Variants in CLCN4 observed in about 807,000 individuals in gnomAD.
CLCN4 encodes Cl-/H+ antiporter 4, also known as H(+)/Cl(-) exchange transporter 4.
Under a neutral mutation model 41.7 loss-of-function variants are expected in CLCN4, and 1 was observed. The observed-to-expected ratio is 0.02, with a 90% CI of 0.01 to 0.11. CLCN4 has a LOEUF of 0.11. Ranked by LOEUF, CLCN4 falls within the 10% of genes least tolerant of loss-of-function variation. CLCN4 has a pLI of 1.00. For synonymous variants in CLCN4, 277 were observed against 285.8 expected, an observed-to-expected ratio of 0.97 and a Z score of 0.31; for missense variants, 287 against 661.0, an observed-to-expected ratio of 0.43 and a Z score of 6.20.
rs183448565 is a variant in CLCN4, at chrX:10,223,653, C to T, written c.2192+2776C>T. Among the ~76,000 whole-genome samples the T allele has an allele frequency of 2.1e-3, 234 of 111,971 alleles. 8 individuals carry two copies. The East Asian group carries it at 0.045, about 21-fold the overall frequency. ...CTGGCCTGGATCACCTGCAGCATTTCTCAGGCCTGGGGTTCAAGGGGCATC... is the reference window on the plus strand; with the variant it reads ...CTGGCCTGGATCACCTGCAGCATTTTTCAGGCCTGGGGTTCAAGGGGCATC... On this transcript the variant is annotated intron_variant, in intron 12 of 12. Coordinates refer to ENST00000380833, the MANE Select transcript of CLCN4 (RefSeq NM_001830.4).
In CLCN4 at chrX:10,208,494, C is replaced by T; in HGVS notation, c.1293C>T (p.Asp431=). 1 of 1,211,406 alleles carries T rather than the reference C, an allele frequency of 8.3e-7. No homozygotes were observed. The highest frequency in any genetic ancestry group is 1.1e-6 in the Non-Finnish European group (1 of 895,353). Residue 431 remains aspartate (D), a synonymous_variant, in exon 9 of 13, where the codon GAC becomes GAT. Transcript: ENST00000380833. ...NMTRPVDDIP[D]RPAGVGVYTA... ...CTCGGCCTGTGGATGACATTCCAGA[C>T]CGGCCGGCTGGTGTCGGTGTTTACA...
chrX:10,234,843 C>T lies in CLCN4; in HGVS notation c.*1259C>T, dbSNP rs372742421. On this transcript the variant is annotated 3_prime_UTR_variant, in exon 13 of 13. Coordinates refer to ENST00000380833, the MANE Select transcript of CLCN4 (RefSeq NM_001830.4). ...ACATTTACTCTTTTAGTCAGGATTT[C>T]GGTCTTTTCTGCGGGAAGGAATTAA... The T allele has an allele frequency of 5.0e-4, 56 of 112,262 alleles. 1 individual carries two copies. Among genetic ancestry groups the T allele is most frequent in the East Asian group, 3.4e-3 (12 of 3,578 alleles). 9.3% of individuals were successfully genotyped at this position (112,262 alleles called of 1,213,427 possible). A position where few individuals can be genotyped will look rare whatever the true frequency, so the allele number is the denominator to read the frequency against.
intron 2 of CLCN4, among the ~76,000 whole-genome samples, chrX:10,164,541 G>A (rs1843800268): frequency 8.9e-6 from 1 of 112,078 alleles, no homozygotes; most frequent in South Asian, 3.7e-4. Flanking sequence ...AGAAAGCAGG[G>A]CAGCCAGCAA....
chrX:10,208,327 G>A lies in CLCN4; in HGVS notation c.1126G>A (p.Val376Met), dbSNP rs1339949863. The A allele has an allele frequency of 8.3e-7, 1 of 1,208,792 alleles. No individual in the cohort carries two copies. The highest frequency in any genetic ancestry group is 1.8e-5 in the African/African-American group (1 of 56,742). Residue 376 changes from valine to methionine, a missense_variant, in exon 9 of 13, where the codon GTG becomes ATG. Coordinates refer to ENST00000380833, the MANE Select transcript of CLCN4 (RefSeq NM_001830.4). The stretch of plus-strand genomic sequence containing the variant: ...GTACCCGGTGCTGGAGGTCATTGTG[G>A]TGACTGCCATCACTGCCATCATTGC... ...GKYPVLEVIV[V>M]TAITAIIAYP...
rs1383722929 is a variant in CLCN4, at chrX:10,185,076, A to T, written c.44A>T (p.Asp15Val). ...GAMSGSGNLM[D>V]FLDEPFPDVG... ...ATGAGTGGCTCTGGAAACCTGATGGATTTCCTCGATGAGCCGTTCCCTGAT... is the reference window on the plus strand; with the variant it reads ...ATGAGTGGCTCTGGAAACCTGATGGTTTTCCTCGATGAGCCGTTCCCTGAT... Residue 15 changes from aspartate to valine, a missense_variant, in exon 3 of 13, where the codon GAT becomes GTT. Physicochemically the swap from Asp to Val is radical, Grantham distance 152. This residue lies in a region of CLCN4 where 90 missense variants were observed against 209.8 expected (regional missense o/e 0.43). Coordinates refer to ENST00000380833, the MANE Select transcript of CLCN4 (RefSeq NM_001830.4). 4 of 1,208,949 alleles carry T rather than the reference A, an allele frequency of 3.3e-6. No individual in the cohort carries two copies. The Admixed American group carries it at 8.7e-5, about 26-fold the overall frequency.
chrX:10,186,874 C>T lies in CLCN4; in HGVS notation c.145-641C>T, dbSNP rs139821376. Among the ~76,000 whole-genome samples, 951 of 111,793 alleles carry T rather than the reference C, an allele frequency of 8.5e-3. 13 individuals carry two copies. The highest frequency in any genetic ancestry group is 0.029 in the African/African-American group (881 of 30,718). On this transcript the variant is annotated intron_variant, in intron 3 of 12. Coordinates refer to ENST00000380833, the MANE Select transcript of CLCN4 (RefSeq NM_001830.4). ...CAGTGGCAGGGTTGAGGAGTTGCAA[C>T]GGAGACCATCCGGCCCGCAAAGCCC...
At chrX:10,202,186 A>C (rs1228187453) in intron 6 of CLCN4, among the ~76,000 whole-genome samples, 3 of 110,913 alleles carry the variant, frequency 2.7e-5, no homozygotes, top group East Asian at 5.7e-4. Flanking sequence ...AAAAATGAAA[A>C]TAAGCGGCAG....
At chrX:10,193,341 T>A (rs1278936769) in intron 4 of CLCN4, among the ~76,000 whole-genome samples, 2 of 112,425 alleles carry the variant, frequency 1.8e-5, no homozygotes, top group Non-Finnish European at 3.8e-5. Context: ...TAGCTTGAGA[T>A]GTACATTTAT....
intron 2 of CLCN4, among the ~76,000 whole-genome samples, chrX:10,183,847 T>A (rs2147166848): frequency 8.9e-6 from 1 of 112,703 alleles, no homozygotes; most frequent in East Asian, 2.8e-4. Flanking sequence ...CCCTTTTGAC[T>A]GCATTTTAAG....
chrX:10,179,950 C>A (rs774742409), intron 2 of CLCN4, among the ~76,000 whole-genome samples: 24 of 111,895 alleles, frequency 2.1e-4, no homozygotes, highest in Admixed American at 8.5e-4. Context: ...ACTCATGCAG[C>A]GCTGTTCTGG....
chrX:10,185,849 C>T lies in CLCN4; in HGVS notation c.144+673C>T, dbSNP rs776848286. On this transcript the variant is annotated intron_variant, in intron 3 of 12. Transcript: ENST00000380833. ...GGAGGCAGCAGGGCCACGTGGGGAA[C>T]GGCCATGCTGGCGGTGGAGAGGAGT... 3.8e-3 allele frequency among the ~76,000 whole-genome samples: 422 copies of T among 111,499 alleles called. 2 individuals are homozygous for T. Among genetic ancestry groups the T allele is most frequent in the African/African-American group, 0.012 (372 of 30,633 alleles).
At chrX:10,209,729 A>C (rs2147180607) in intron 9 of CLCN4, among the ~76,000 whole-genome samples, 1 of 111,252 alleles carries the variant, frequency 9.0e-6, no homozygotes, top group Admixed American at 9.5e-5. Flanking sequence ...TTCCTCTTTC[A>C]TTGTGTTAAA....
At chrX:10,226,851 A>T (rs1284584118) in intron 12 of CLCN4, among the ~76,000 whole-genome samples, 1 of 111,275 alleles carries the variant, frequency 9.0e-6, no homozygotes, top group East Asian at 2.8e-4. Context: ...TGAACCAGGA[A>T]GAAGTTGAAC....
Position 10,198,742 on chromosome X carries a change from C to CT in CLCN4, c.555+682dup, listed in dbSNP as rs1381440265. The stretch of plus-strand genomic sequence containing the variant: ...CAAACTTGAAACCTATGAGGACCTA[C>CT]TGGGCAGAATCATGATAATTGAGCT... On this transcript the variant is annotated intron_variant, in intron 6 of 12. Coordinates refer to ENST00000380833, the MANE Select transcript of CLCN4 (RefSeq NM_001830.4). Among the ~76,000 whole-genome samples the CT allele has an allele frequency of 7.1e-5, 8 of 112,426 alleles. No individual in the cohort carries two copies. In the Admixed American group the frequency reaches 7.5e-4, roughly 11 times the overall value.
At chrX:10,214,602 A>G (rs980486069) in intron 11 of CLCN4, among the ~76,000 whole-genome samples, 8 of 112,934 alleles carry the variant, frequency 7.1e-5, no homozygotes, top group African/African-American at 2.3e-4. Flanking sequence ...ACTTTGTGAT[A>G]TGATGTCAGA....
intron 2 of CLCN4, among the ~76,000 whole-genome samples, chrX:10,169,391 T>C (rs1788669456): frequency 9.0e-6 from 1 of 111,532 alleles, no homozygotes; most frequent in African/African-American, 3.3e-5. Context: ...TCAGGCTCCA[T>C]TGATTCTGTG....
At chrX:10,204,456 A>G (rs993793404) in intron 6 of CLCN4, among the ~76,000 whole-genome samples, 1 of 111,367 alleles carries the variant, frequency 9.0e-6, no homozygotes, top group Admixed American at 9.6e-5. Context: ...TCAAACATAC[A>G]GAAAAGTTGA....
intron 4 of CLCN4, among the ~76,000 whole-genome samples, chrX:10,193,143 C>T (rs942885826): frequency 1.6e-4 from 18 of 111,723 alleles, no homozygotes; most frequent in African/African-American, 5.9e-4. Flanking sequence ...AGGGTAGGTC[C>T]ACAAGTGTGT....
chrX:10,186,890 C>G, intron 3 of CLCN4, among the ~76,000 whole-genome samples: 1 of 111,729 alleles, frequency 9.0e-6, no homozygotes, highest in Non-Finnish European at 1.9e-5. Context: ...CCATCCGGCC[C>G]GCAAAGCCCA....
Sources: gnomAD v4.1 joint callset for allele counts (sites outside exome capture counted in the v4.1 genomes callset) on GRCh38, gnomAD v4.1.1 for gene constraint, gnomAD v4.1.1 regional missense constraint, MANE v1.5 for transcripts, NCBI Gene and HGNC (gene_info 2026-07-23, HGNC 2026-07-21) for gene names.